Variants in IQCH observed in about 807,000 individuals in gnomAD.
IQCH encodes the protein IQ domain-containing protein H.
A neutral mutation model predicts 117.0 loss-of-function variants in IQCH; 98 were observed. That is an observed-to-expected ratio of 0.84 (90% CI 0.71 to 0.99). The LOEUF is 0.99. Ranked by LOEUF, IQCH falls within the 50% of genes least tolerant of loss-of-function variation. IQCH has a pLI of 0.00. For missense variants in IQCH, 1,102 were observed against 1,243.8 expected, an observed-to-expected ratio of 0.89 and a Z score of 1.72; for synonymous variants, 412 against 448.2, an observed-to-expected ratio of 0.92 and a Z score of 1.02.
At chr15:67,471,819 T>C (rs1384095974) in intron 17 of IQCH, among the ~76,000 whole-genome samples, 1 of 152,236 alleles carries the variant, frequency 6.6e-6, no homozygotes, top group African/African-American at 2.4e-5. Context: ...CCTAGGTGAT[T>C]GATAGTTTCT....
intron 16 of IQCH, among the ~76,000 whole-genome samples, chr15:67,450,029 C>A (rs2082483155): frequency 6.6e-6 from 1 of 152,102 alleles, no homozygotes; most frequent in South Asian, 2.1e-4. Flanking sequence ...CTCTGTTTGT[C>A]TGTTATTGGT....
rs1024613954 is a variant in IQCH, at chr15:67,443,142, G to T, written c.2505+21565G>T. Among the ~76,000 whole-genome samples the T allele has an allele frequency of 2.0e-5, 3 of 152,082 alleles. No individual in the cohort carries two copies. In the East Asian group the frequency reaches 5.8e-4, roughly 29 times the overall value. On this transcript the variant is annotated intron_variant, in intron 16 of 20. Coordinates refer to ENST00000335894, the MANE Select transcript of IQCH (RefSeq NM_001031715.3). The surrounding 1 kb of genome is among the most constrained non-coding windows in gnomAD (Gnocchi z 5.0). ...TGAGTAGCTGGGACTACAGGCGCCC[G>T]CCACAGCGCCCGGCTAATTTTTTGT...
intron 7 of IQCH, 67 bp downstream of exon 7, chr15:67,357,488 G>A (rs1969941298): frequency 3.9e-6 from 4 of 1,025,230 alleles, no homozygotes; most frequent in Non-Finnish European, 6.2e-6. Flanking sequence ...GAGATATTTG[G>A]TGATTTACAC....
chr15:67,493,756 C>G lies in IQCH; in HGVS notation c.2862-502C>G, dbSNP rs1333989971. ...CATGTGCCATGTTAGTGTCCTGCAC[C>G]CATTAACTCGTCATTTACATTAGGT... On this transcript the variant is annotated intron_variant, in intron 19 of 20. Transcript: ENST00000335894. The surrounding 1 kb of genome is among the most constrained non-coding windows in gnomAD (Gnocchi z 5.1). 6.6e-6 allele frequency among the ~76,000 whole-genome samples: 1 copy of G among 152,076 alleles called. No homozygotes were observed. The highest frequency in any genetic ancestry group is 2.4e-5 in the African/African-American group (1 of 41,382).
In IQCH at chr15:67,421,529, T is replaced by C. The variant is rs201670208; in HGVS notation, c.2457T>C (p.Phe819=). The C allele has an allele frequency of 1.3e-5, 21 of 1,614,210 alleles. No individual in the cohort carries two copies. The East Asian group carries it at 4.2e-4, about 33-fold the overall frequency. Residue 819 remains phenylalanine (F), a synonymous_variant, in exon 16 of 21, where the codon TTT becomes TTC. Transcript: ENST00000335894. ...ACRMRDVVGY[F]SIDLVTFIDP... ...GAATGAGAGATGTGGTTGGTTACTT[T>C]TCGATAGATCTGGTGACTTTTATAG...
chr15:67,477,299 G>A (rs960178903), intron 18 of IQCH, among the ~76,000 whole-genome samples: 3 of 151,298 alleles, frequency 2.0e-5, no homozygotes, highest in Non-Finnish European at 4.4e-5. Flanking sequence ...CGCCCGCCTC[G>A]GCTTCCCAAA....
rs1355563231 is a variant in IQCH, at chr15:67,406,323, CAGG to C, written c.2097+6021_2097+6023del. 1 of 152,192 alleles carries C rather than the reference CAGG, an allele frequency of 6.6e-6. No individual in the cohort carries two copies. Among genetic ancestry groups the C allele is most frequent in the South Asian group, 2.1e-4 (1 of 4,830 alleles). The allele number at this position is 152,192 out of a possible 1,614,324, so 9.4% of individuals were successfully genotyped here. On this transcript the variant is annotated intron_variant, in intron 14 of 20. Coordinates refer to ENST00000335894, the MANE Select transcript of IQCH (RefSeq NM_001031715.3). This position sits in a 1 kb window ranked among gnomAD's most constrained non-coding sequence, Gnocchi z 4.5. ...GCTGAGGTGGGAGTTGGCTTGAGGC[CAGG>C]AGTTCAAGACCAGCCTGGGCAATAT...
Position 67,323,878 on chromosome 15 carries a change from A to G in IQCH, c.388-13097A>G, listed in dbSNP as rs1470231257. Among the ~76,000 whole-genome samples the G allele has an allele frequency of 2.0e-5, 3 of 151,310 alleles. 1 individual carries two copies. The highest frequency in any genetic ancestry group is 4.4e-5 in the Non-Finnish European group (3 of 67,926). ...ATATTATCTTTTATATTTGCCATAT[A>G]TATCTGAGTTGTCATCTGAAGTCAT... On this transcript the variant is annotated intron_variant, in intron 4 of 20. Coordinates refer to ENST00000335894, the MANE Select transcript of IQCH (RefSeq NM_001031715.3).
chr15:67,375,068 G>T (rs1970691280), intron 10 of IQCH, among the ~76,000 whole-genome samples: 1 of 152,166 alleles, frequency 6.6e-6, no homozygotes, highest in Non-Finnish European at 1.5e-5. Context: ...TGATACAAAG[G>T]AGTTTCCAAA....
At position 67,500,715 on chromosome 15, in the gene IQCH, A is replaced by T; in HGVS notation, c.3053A>T (p.Asp1018Val). The T allele has an allele frequency of 1.2e-6, 2 of 1,600,228 alleles. No homozygotes were observed. Among genetic ancestry groups the T allele is most frequent in the Non-Finnish European group, 1.7e-6 (2 of 1,169,752 alleles). Residue 1018 changes from aspartate to valine, a missense_variant, in exon 21 of 21, where the codon GAT (aspartate) becomes GTT (valine). This residue lies in a region of IQCH where 650 missense variants were observed against 794.3 expected (regional missense o/e 0.82). Transcript: ENST00000335894. The surrounding 1 kb of genome is among the most constrained non-coding windows in gnomAD (Gnocchi z 4.4). ...MRFEEEQQSK[D>V]DKNLSKPKK ...TTTGAAGAGGAGCAACAGTCCAAAG[A>T]TGATAAAAACCTCTCTAAACCCAAG...
intron 14 of IQCH, among the ~76,000 whole-genome samples, chr15:67,414,366 T>C (rs1324277760): frequency 6.6e-6 from 1 of 151,896 alleles, no homozygotes; most frequent in Non-Finnish European, 1.5e-5. Flanking sequence ...TCTCTCCCAA[T>C]TGAAGAGAAG....
rs2083737449 is a variant in IQCH at position 67,494,052 on chromosome 15, AT to A, written c.2862-205del. Among the ~76,000 whole-genome samples, 1 of 152,262 alleles carries A rather than the reference AT, an allele frequency of 6.6e-6. No homozygotes were observed. Among genetic ancestry groups the A allele is most frequent in the Non-Finnish European group, 1.5e-5 (1 of 68,042 alleles). On this transcript the variant is annotated intron_variant, in intron 19 of 20. Coordinates refer to ENST00000335894, the MANE Select transcript of IQCH (RefSeq NM_001031715.3). This position sits in a 1 kb window ranked among gnomAD's most constrained non-coding sequence, Gnocchi z 5.5. ...TTGGTATATTCTGCTAAGTTGATTA[AT>A]AAAAAATATTTATTACGCAAATCCT...
At chr15:67,358,328 G>T (rs1969997496) in intron 7 of IQCH, among the ~76,000 whole-genome samples, 1 of 149,528 alleles carries the variant, frequency 6.7e-6, no homozygotes, top group East Asian at 2.0e-4. Context: ...CCGAGTAGCT[G>T]AGATTACAGG....
chr15:67,362,114 A>C (rs1970156745), intron 8 of IQCH, among the ~76,000 whole-genome samples: 1 of 148,648 alleles, frequency 6.7e-6, no homozygotes, highest in Non-Finnish European at 1.5e-5. Context: ...GAGGATGTTA[A>C]CTTTATATAT....
chr15:67,447,772 A>C lies in IQCH; in HGVS notation c.2506-17355A>C, dbSNP rs995755688. Among the ~76,000 whole-genome samples the C allele has an allele frequency of 6.6e-6, 1 of 152,186 alleles. No individual in the cohort carries two copies. Among genetic ancestry groups the C allele is most frequent in the African/African-American group, 2.4e-5 (1 of 41,440 alleles). The stretch of plus-strand genomic sequence containing the variant: ...CATGTCCAGTCCCTCTCAGTCCAGG[A>C]GCTGATACAAAGTAAAAGCCTGCTG... On this transcript the variant is annotated intron_variant, in intron 16 of 20. Transcript: ENST00000335894. The surrounding 1 kb of genome is among the most constrained non-coding windows in gnomAD (Gnocchi z 5.3).
intron 17 of IQCH, among the ~76,000 whole-genome samples, chr15:67,470,363 A>G (rs1003193376): frequency 9.9e-5 from 15 of 152,252 alleles, no homozygotes; most frequent in African/African-American, 3.6e-4. Context: ...TATTTTTAGT[A>G]GAGACGGGGT....
chr15:67,474,067 A>AGTGTGTGTGTGTGTGTGT lies in IQCH; in HGVS notation c.2677-1609_2677-1592dup, dbSNP rs36050088. Among the ~76,000 whole-genome samples the AGTGTGTGTGTGTGTGTGT allele has an allele frequency of 3.2e-4, 44 of 138,316 alleles. No homozygotes were observed. The highest frequency in any genetic ancestry group is 8.9e-4 in the African/African-American group (33 of 37,076). The allele number at this position is 138,316 out of a possible 152,430, so 90.7% of individuals were successfully genotyped here. ...GTCACCAAAAGTGCCACGAAATCTG[A>AGTGTGTGTGTGTGTGTGT]GTGTGTGTGTGTGTGTGTGTGTGTG... On this transcript the variant is annotated intron_variant, in intron 17 of 20. Transcript: ENST00000335894. This position sits in a 1 kb window ranked among gnomAD's most constrained non-coding sequence, Gnocchi z 4.1.
intron 10 of IQCH, among the ~76,000 whole-genome samples, chr15:67,380,708 C>G (rs777599668): frequency 6.6e-6 from 1 of 152,194 alleles, no homozygotes; most frequent in Non-Finnish European, 1.5e-5. Flanking sequence ...CTCTTCTTCA[C>G]CTTTCTTCCA....
Position 67,496,029 on chromosome 15 carries a change from G to A in IQCH, c.2970+1663G>A, listed in dbSNP as rs1173604938. 6.6e-6 allele frequency among the ~76,000 whole-genome samples: 1 copy of A among 152,210 alleles called. No homozygotes were observed. The highest frequency in any genetic ancestry group is 1.5e-5 in the Non-Finnish European group (1 of 68,034). ...TAAAGGCTAAATAAAAATGGAAGGT[G>A]ATTGAGGCTGGGCACAATGGCTCAT... On this transcript the variant is annotated intron_variant, in intron 20 of 20. Transcript: ENST00000335894. The surrounding 1 kb of genome is among the most constrained non-coding windows in gnomAD (Gnocchi z 4.4).
Sources: allele counts gnomAD v4.1 joint callset (sites outside exome capture counted in the v4.1 genomes callset), GRCh38; gene constraint gnomAD v4.1.1; regional missense constraint gnomAD v4.1.1; non-coding constraint Gnocchi (gnomAD v3.1); transcripts MANE v1.5; gene names NCBI Gene and HGNC (gene_info 2026-07-23, HGNC 2026-07-21).